The following CD53 variants were observed in gnomAD, a reference collection of about 807,000 sequenced individuals.
The protein encoded by CD53 is CD53 molecule, also known as leukocyte surface antigen CD53.
Under a neutral mutation model 27.3 loss-of-function variants are expected in CD53, and 20 were observed. The observed-to-expected ratio is 0.73, with a 90% CI of 0.52 to 1.07. The LOEUF is 1.07. Ranked by LOEUF, CD53 falls within the 50% of genes least tolerant of loss-of-function variation. The pLI is 0.00. For synonymous variants in CD53, 106 were observed against 105.3 expected (o/e 1.01, Z -0.04); for missense variants, 216 against 264.0 (o/e 0.82, Z 1.26).
chr1:110,890,581 GAGAGAA>G (rs145610379), intron 1 of CD53, among the ~76,000 whole-genome samples: 12 of 149,812 alleles, frequency 8.0e-5, no homozygotes, highest in South Asian at 4.2e-4. Flanking sequence ...AAGAAAGAAA[GAGAGAA>G]AGAGAAAGAG....
chr1:110,898,772 C>T (rs1657177777), intron 7 of CD53, among the ~76,000 whole-genome samples: 1 of 152,050 alleles, frequency 6.6e-6, no homozygotes, highest in South Asian at 2.1e-4. Flanking sequence ...AATGATTTTT[C>T]TCTGTTTGGA....
chr1:110,892,682 C>A (rs1485468468), intron 3 of CD53, 149 bp downstream of exon 3: 8 of 683,670 alleles, frequency 1.2e-5, no homozygotes, highest in Non-Finnish European at 2.0e-5. Flanking sequence ...CTGCCCAGAC[C>A]AATAGTATAT....
chr1:110,874,311 C>A (rs2101034286), intron 1 of CD53, among the ~76,000 whole-genome samples: 1 of 152,286 alleles, frequency 6.6e-6, no homozygotes, highest in South Asian at 2.1e-4. Flanking sequence ...AAATAAAAAG[C>A]AGTCTTTTAA....
At chr1:110,881,002 T>G (rs980248954) in intron 1 of CD53, among the ~76,000 whole-genome samples, 1 of 151,990 alleles carries the variant, frequency 6.6e-6, no homozygotes, top group Non-Finnish European at 1.5e-5. Context: ...ATTACCAAAG[T>G]AAGGAAGGAA....
At chr1:110,872,077 C>T (rs913142087), upstream of CD53, among the ~76,000 whole-genome samples, 4 of 152,080 alleles carry the variant, frequency 2.6e-5, no homozygotes, top group African/African-American at 7.2e-5. Flanking sequence ...AAGTCAGCAC[C>T]GCAGAGTGCA....
At chr1:110,871,814 TACACACACAC>T (rs3068856), upstream of CD53, among the ~76,000 whole-genome samples, 5 of 145,668 alleles carry the variant, frequency 3.4e-5, no homozygotes, top group South Asian at 4.5e-4. Flanking sequence ...CAAGAGAAAC[TACACACACAC>T]ACACACACAC....
chr1:110,884,878 C>A (rs532150829), intron 1 of CD53, among the ~76,000 whole-genome samples: 1 of 151,760 alleles, frequency 6.6e-6, no homozygotes, highest in African/African-American at 2.4e-5. Flanking sequence ...ATAATTGGGT[C>A]TTGTTTTTTC....
Position 110,893,932 on chromosome 1 carries a change from CA to C in CD53, c.253-394del, listed in dbSNP as rs562229119. On this transcript the variant is annotated intron_variant, in intron 3 of 7. Transcript: ENST00000271324. ...CAGGGCTCCTCTCAGCCACTACCAGCAGTCCTCCACCCAGAGGTATCCCTGA... is the reference window on the plus strand; with the variant it reads ...CAGGGCTCCTCTCAGCCACTACCAGCGTCCTCCACCCAGAGGTATCCCTGA... 2.9e-3 allele frequency among the ~76,000 whole-genome samples: 435 copies of C among 152,362 alleles called. 2 individuals carry two copies. The highest frequency in any genetic ancestry group is 0.01 in the African/African-American group (419 of 41,584).
intron 1 of CD53, among the ~76,000 whole-genome samples, chr1:110,887,872 A>T (rs889951649): frequency 6.6e-6 from 1 of 152,220 alleles, no homozygotes; most frequent in Non-Finnish European, 1.5e-5. Flanking sequence ...ATAGGCCCCA[A>T]ATATGTCCAT....
chr1:110,897,200 C>G (rs1020423757), intron 6 of CD53, among the ~76,000 whole-genome samples: 13 of 152,178 alleles, frequency 8.5e-5, no homozygotes, highest in Non-Finnish European at 1.9e-4. Context: ...GTTAGTGGAA[C>G]TACTGAAACA....
At chr1:110,879,320 AAGAC>A (rs1055121156) in intron 1 of CD53, among the ~76,000 whole-genome samples, 1 of 152,184 alleles carries the variant, frequency 6.6e-6, no homozygotes, top group African/African-American at 2.4e-5. Flanking sequence ...GATATAGTGA[AAGAC>A]AGGTTAAGCA....
upstream of CD53, among the ~76,000 whole-genome samples, chr1:110,872,930 A>G (rs550086553): frequency 1.4e-4 from 22 of 152,330 alleles, no homozygotes; most frequent in East Asian, 1.3e-3. Context: ...CTGCTCACAG[A>G]TCTGTGCCTG....
intron 1 of CD53, among the ~76,000 whole-genome samples, chr1:110,881,991 G>C (rs1656372298): frequency 6.6e-6 from 1 of 152,126 alleles, no homozygotes; most frequent in Non-Finnish European, 1.5e-5. Flanking sequence ...TGAGCTTCAA[G>C]AGTTGTTTTT....
chr1:110,893,709 G>T (rs1157640316), intron 3 of CD53, among the ~76,000 whole-genome samples: 1 of 152,246 alleles, frequency 6.6e-6, no homozygotes, highest in East Asian at 1.9e-4. Context: ...TAATGGCAAA[G>T]GATGGAAGAT....
intron 1 of CD53, among the ~76,000 whole-genome samples, chr1:110,878,902 C>G (rs1656231340): frequency 6.6e-6 from 1 of 152,132 alleles, no homozygotes; most frequent in Admixed American, 6.5e-5. Context: ...GAAAGGAAGT[C>G]TTACAGAAAC....
chr1:110,893,935 T>C (rs1471732663), intron 3 of CD53, among the ~76,000 whole-genome samples: 1 of 152,190 alleles, frequency 6.6e-6, no homozygotes, highest in Non-Finnish European at 1.5e-5. Context: ...CTACCAGCAG[T>C]CCTCCACCCA....
At position 110,894,396 on chromosome 1, in the gene CD53, CAGA is replaced by C; in HGVS notation, c.325_327del (p.Lys109del). The C allele has an allele frequency of 4.3e-6, 7 of 1,612,264 alleles. No individual in the cohort carries two copies. Among genetic ancestry groups the C allele is most frequent in the Non-Finnish European group, 5.9e-6 (7 of 1,178,354 alleles). ...GGCCATCCTGCTCTTTGTATATGAA[CAGA>C]AGGTAAGTTATAAAGACAACAACTT... On this transcript the variant is annotated inframe_deletion and splice_region_variant, in exon 4 of 8. Transcript: ENST00000271324.
intron 1 of CD53, among the ~76,000 whole-genome samples, chr1:110,886,179 A>G (rs533513550): frequency 1.3e-5 from 2 of 152,114 alleles, no homozygotes; most frequent in South Asian, 4.2e-4. Context: ...GTGTTGCTCC[A>G]CTTTCTTCCA....
In CD53 at chr1:110,899,307, C is replaced by A; in HGVS notation, c.*112C>A. On this transcript the variant is annotated 3_prime_UTR_variant, in exon 8 of 8. Transcript: ENST00000271324. The stretch of plus-strand genomic sequence containing the variant: ...AGGATGATCCTCCTCCCATCCTTTC[C>A]CTTTTTAGGTCCCTGTCTTATACAA... 1.4e-6 allele frequency: 1 copy of A among 730,524 alleles called. No individual in the cohort carries two copies. Among genetic ancestry groups the A allele is most frequent in the Non-Finnish European group, 2.3e-6 (1 of 427,834 alleles). 45.3% of individuals were successfully genotyped at this position (730,524 alleles called of 1,614,324 possible). A position where few individuals can be genotyped will look rare whatever the true frequency, so the allele number is the denominator to read the frequency against.
Sources: gnomAD v4.1 joint callset for allele counts (sites outside exome capture counted in the v4.1 genomes callset) on GRCh38, gnomAD v4.1.1 for gene constraint, MANE v1.5 for transcripts, NCBI Gene and HGNC (gene_info 2026-07-23, HGNC 2026-07-21) for gene names.